MSRB2: variants seen among roughly 807,000 people sequenced by gnomAD.
MSRB2 encodes the protein methionine sulfoxide reductase B2.
A neutral mutation model predicts 19.0 loss-of-function variants in MSRB2; 17 were observed. The ratio of observed to expected loss-of-function variants is 0.89; its 90% CI spans 0.61 to 1.34. The LOEUF (loss-of-function observed/expected upper bound fraction) is 1.34, where lower values mean the gene tolerates loss of function less well. Among genes scored for constraint, MSRB2 ranks in the 40% most tolerant of loss-of-function variants. The pLI, the probability that MSRB2 is intolerant of heterozygous loss-of-function variation, is 0.00. For synonymous variants in MSRB2, 107 were observed against 99.7 expected (o/e 1.07, Z -0.44); for missense variants, 208 against 237.6 (o/e 0.88, Z 0.82).
Position 23,120,871 on chromosome 10 carries a change from A to C in MSRB2, c.*9A>C, listed in dbSNP as rs909409768. ...AACCAAGGAAACACTGACCATCTTC[A>C]AGAGTCCCGTTCCCTTGCCACCCCT... On this transcript the variant is annotated 3_prime_UTR_variant, in exon 5 of 5. Coordinates refer to ENST00000376510, the MANE Select transcript of MSRB2 (RefSeq NM_012228.4). 11 of 1,608,248 alleles carry C rather than the reference A, an allele frequency of 6.8e-6. No individual in the cohort carries two copies. Among genetic ancestry groups the C allele is most frequent in the African/African-American group, 1.3e-5 (1 of 74,874 alleles).
At chr10:23,115,241 T>C (rs933509063) in intron 3 of MSRB2, among the ~76,000 whole-genome samples, 1 of 152,190 alleles carries the variant, frequency 6.6e-6, no homozygotes, top group Non-Finnish European at 1.5e-5. Flanking sequence ...ACATTGCCCA[T>C]CACTGCCACT....
intron 3 of MSRB2, among the ~76,000 whole-genome samples, chr10:23,112,868 G>A (rs1840071475): frequency 6.6e-6 from 1 of 152,236 alleles, no homozygotes; most frequent in African/African-American, 2.4e-5. Context: ...ACAGGCGTGA[G>A]CCAGCGCACC....
chr10:23,110,341 A>G, intron 3 of MSRB2, 23 bp downstream of exon 3: 1 of 1,592,552 alleles, frequency 6.3e-7, no homozygotes, highest in South Asian at 1.1e-5. Flanking sequence ...ATTGAGAGCC[A>G]CGGAAGGAGA....
chr10:23,118,663 G>A lies in MSRB2; in HGVS notation c.297-641G>A, dbSNP rs137914045. 2.5e-3 allele frequency among the ~76,000 whole-genome samples: 381 copies of A among 152,204 alleles called. 1 individual carries two copies. Among genetic ancestry groups the A allele is most frequent in the African/African-American group, 8.9e-3 (371 of 41,514 alleles). ...CAAGCATTCAGGGAACTTACCATGT[G>A]CCCAGCACCGTGCTAAGCTTTATGT... On this transcript the variant is annotated intron_variant, in intron 3 of 4. Coordinates refer to ENST00000376510, the MANE Select transcript of MSRB2 (RefSeq NM_012228.4).
At chr10:23,113,002 A>G (rs1840072745) in intron 3 of MSRB2, among the ~76,000 whole-genome samples, 1 of 152,210 alleles carries the variant, frequency 6.6e-6, no homozygotes, top group Non-Finnish European at 1.5e-5. Flanking sequence ...AATGCAGACT[A>G]TATTCCTGAG....
intron 3 of MSRB2, among the ~76,000 whole-genome samples, chr10:23,117,883 G>A (rs1321772210): frequency 6.6e-6 from 1 of 152,210 alleles, no homozygotes; most frequent in Non-Finnish European, 1.5e-5. Flanking sequence ...GGGCCACCAC[G>A]CCAGCAAAAT....
chr10:23,120,935 C>G lies in MSRB2; in HGVS notation c.*73C>G, dbSNP rs562085724. 1 of 1,191,842 alleles carries G rather than the reference C, an allele frequency of 8.4e-7. No individual in the cohort carries two copies. Among genetic ancestry groups the G allele is most frequent in the Non-Finnish European group, 1.2e-6 (1 of 819,492 alleles). 73.8% of individuals were successfully genotyped at this position (1,191,842 alleles called of 1,614,324 possible). ...CAATTTCCACAATTCACTTGAATGA[C>G]TTGTTTTATTTGCAATAAAACTGGG... On this transcript the variant is annotated 3_prime_UTR_variant, in exon 5 of 5. Coordinates refer to ENST00000376510, the MANE Select transcript of MSRB2 (RefSeq NM_012228.4).
At chr10:23,117,702 T>TGCCTCA (rs918182124) in intron 3 of MSRB2, among the ~76,000 whole-genome samples, 1 of 152,194 alleles carries the variant, frequency 6.6e-6, no homozygotes, top group Non-Finnish European at 1.5e-5. Flanking sequence ...GTTATTCTCC[T>TGCCTCA]GCCTCAGCCT....
intron 2 of MSRB2, among the ~76,000 whole-genome samples, chr10:23,108,859 C>G (rs1840013792): frequency 6.6e-6 from 1 of 152,182 alleles, no homozygotes; most frequent in Non-Finnish European, 1.5e-5. Context: ...GACCAGCTCA[C>G]TACTGTTTGG....
chr10:23,109,160 C>T (rs147079301), intron 2 of MSRB2, among the ~76,000 whole-genome samples: 164 of 152,212 alleles, frequency 1.1e-3, no homozygotes, highest in African/African-American at 3.8e-3. Flanking sequence ...CCTGTGATAG[C>T]GGATCTTCAT....
intron 1 of MSRB2, among the ~76,000 whole-genome samples, chr10:23,103,847 C>T (rs112241753): frequency 0.014 from 2,143 of 152,318 alleles, 50 homozygotes; most frequent in African/African-American, 0.049. Flanking sequence ...CTTAGGTACC[C>T]GAAGGGAATG....
Position 23,119,405 on chromosome 10 carries a change from T to A in MSRB2, c.398T>A (p.Leu133Gln). ...DESHTGILRR[L>Q]DTSLGSARTE... ...AGCCACACAGGGATCCTGAGACGTC[T>A]GGATACCTCGTTAGGATCAGCTCGC... The change falls in exon 4 of 5, where the codon CTG (leucine) becomes CAG (glutamine). Residue 133 changes from leucine (L) to glutamine (Q), a missense_variant. Leu to Gln is a moderately radical substitution (Grantham distance 113). Coordinates refer to ENST00000376510, the MANE Select transcript of MSRB2 (RefSeq NM_012228.4). 5 of 1,614,208 alleles carry A rather than the reference T, an allele frequency of 3.1e-6. No homozygotes were observed. Among genetic ancestry groups the A allele is most frequent in the Non-Finnish European group, 4.2e-6 (5 of 1,180,036 alleles).
At chr10:23,108,097 A>G (rs1840004367) in intron 2 of MSRB2, among the ~76,000 whole-genome samples, 2 of 151,766 alleles carry the variant, frequency 1.3e-5, no homozygotes, top group African/African-American at 4.8e-5. Flanking sequence ...AGCTGGGATT[A>G]CAGGTGCCTG....
chr10:23,107,606 G>C (rs764229222), intron 2 of MSRB2, among the ~76,000 whole-genome samples: 1 of 152,130 alleles, frequency 6.6e-6, no homozygotes, highest in Non-Finnish European at 1.5e-5. Flanking sequence ...TCCCCCCTTC[G>C]TAGTGAAGGG....
At chr10:23,103,915 T>G (rs1337081555) in intron 1 of MSRB2, among the ~76,000 whole-genome samples, 1 of 152,196 alleles carries the variant, frequency 6.6e-6, no homozygotes, top group Non-Finnish European at 1.5e-5. Flanking sequence ...CCAGGAAGAC[T>G]AGAAAACTGG....
chr10:23,106,280 G>A (rs563301593), intron 2 of MSRB2, among the ~76,000 whole-genome samples: 1 of 152,310 alleles, frequency 6.6e-6, no homozygotes, highest in South Asian at 2.1e-4. Context: ...CCTAAGAGAA[G>A]AGAAATAAAA....
intron 3 of MSRB2, among the ~76,000 whole-genome samples, chr10:23,113,783 A>G (rs1840080326): frequency 6.6e-6 from 1 of 152,144 alleles, no homozygotes; most frequent in South Asian, 2.1e-4. Context: ...GGAAGCAGAG[A>G]TTGGTGATCC....
In MSRB2 at chr10:23,119,404, C is replaced by G. The variant is rs1329598503; in HGVS notation, c.397C>G (p.Leu133Val). ...AAGCCACACAGGGATCCTGAGACGT[C>G]TGGATACCTCGTTAGGATCAGCTCG... ...DESHTGILRRLDTSLGSARTE... is the reference protein window; with the variant it reads ...DESHTGILRRVDTSLGSARTE... Residue 133 changes from leucine (L) to valine (V), a missense_variant, in exon 4 of 5, where the codon CTG becomes GTG. Transcript: ENST00000376510. The G allele has an allele frequency of 6.2e-7, 1 of 1,614,136 alleles. No homozygotes were observed. The highest frequency in any genetic ancestry group is 2.2e-5 in the East Asian group (1 of 44,870).
intron 2 of MSRB2, 28 bp downstream of exon 2, chr10:23,104,272 G>C: frequency 1.2e-6 from 2 of 1,600,268 alleles, no homozygotes; most frequent in Non-Finnish European, 1.7e-6. Flanking sequence ...ACAGTTTTCT[G>C]ATTGCATGTG....
Sources: allele counts gnomAD v4.1 joint callset (sites outside exome capture counted in the v4.1 genomes callset), GRCh38; gene constraint gnomAD v4.1.1; transcripts MANE v1.5; gene names NCBI Gene and HGNC (gene_info 2026-07-23, HGNC 2026-07-21).